Variants in MARK2 observed in about 807,000 individuals in gnomAD.
MARK2 encodes microtubule affinity regulating kinase 2.
In MARK2, 16 loss-of-function variants were observed where a neutral mutation model predicts 89.8. That is an observed-to-expected ratio of 0.18 (90% CI 0.12 to 0.27). The LOEUF (loss-of-function observed/expected upper bound fraction) is 0.27. Among genes scored for constraint, MARK2 ranks in the 10% least tolerant of loss-of-function variants. The pLI, the probability that MARK2 is intolerant of heterozygous loss-of-function variation, is 1.00. For synonymous variants in MARK2, 382 were observed against 399.5 expected, an observed-to-expected ratio of 0.96 and a Z score of 0.52; for missense variants, 621 against 1,049.9, an observed-to-expected ratio of 0.59 and a Z score of 5.65.
At chr11:63,905,644 C>T (rs1422903525) in intron 16 of MARK2, among the ~76,000 whole-genome samples, 2 of 152,236 alleles carry the variant, frequency 1.3e-5, no homozygotes. Context: ...GGGTGGGGAT[C>T]TCTTCACGGG....
intron 1 of MARK2, chr11:63,888,695 T>A: frequency 8.4e-7 from 1 of 1,185,906 alleles, no homozygotes; most frequent in Non-Finnish European, 1.1e-6. Context: ...CCAAACCCAG[T>A]CTCTCTGCTA....
intron 1 of MARK2, among the ~76,000 whole-genome samples, chr11:63,840,888 A>G (rs373730408): frequency 1.3e-5 from 2 of 152,036 alleles, no homozygotes; most frequent in African/African-American, 4.8e-5. Context: ...TTTTCACCCA[A>G]GTCTTAGCCT....
chr11:63,885,037 T>C (rs1565121867), intron 1 of MARK2, among the ~76,000 whole-genome samples: 1 of 152,004 alleles, frequency 6.6e-6, no homozygotes, highest in African/African-American at 2.4e-5. Context: ...ATCCTGTCTG[T>C]ACAAAAAATA....
chr11:63,888,512 G>A (rs1939549120), intron 1 of MARK2: 1 of 1,010,304 alleles, frequency 9.9e-7, no homozygotes, highest in African/African-American at 1.7e-5. Flanking sequence ...AGGGGAGAAG[G>A]AAGTTGATCT....
intron 16 of MARK2, 58 bp downstream of exon 16, chr11:63,905,101 GGGGT>G: frequency 6.5e-7 from 1 of 1,546,652 alleles, no homozygotes; most frequent in Non-Finnish European, 8.8e-7. Context: ...TGCTTTACTC[GGGGT>G]GGGTTGGGGG....
chr11:63,908,494 C>T (rs1337831831), intron 18 of MARK2, among the ~76,000 whole-genome samples, 190 bp downstream of exon 18: 2 of 152,306 alleles, frequency 1.3e-5, no homozygotes, highest in Middle Eastern at 3.4e-3. Flanking sequence ...GGGCCCTTCT[C>T]CTCAGGTCTG....
chr11:63,851,892 A>G (rs1171974758), intron 1 of MARK2, among the ~76,000 whole-genome samples: 1 of 152,140 alleles, frequency 6.6e-6, no homozygotes, highest in Non-Finnish European at 1.5e-5. Context: ...TGTTGCCTCT[A>G]ACCCATCAGG....
At chr11:63,898,707 C>G in intron 5 of MARK2, 34 bp downstream of exon 5, 1 of 1,611,258 alleles carries the variant, frequency 6.2e-7, no homozygotes, top group Non-Finnish European at 8.5e-7. Flanking sequence ...TGTTGTGCCC[C>G]CACTTCTTCC....
chr11:63,852,719 C>G (rs768525498), intron 1 of MARK2, among the ~76,000 whole-genome samples: 11 of 150,644 alleles, frequency 7.3e-5, no homozygotes, highest in Non-Finnish European at 1.3e-4. Flanking sequence ...TGAAAGCTAC[C>G]TTCTCAGTTT....
intron 1 of MARK2, chr11:63,888,958 C>T (rs1368145907): frequency 7.4e-7 from 1 of 1,351,670 alleles, no homozygotes; most frequent in Non-Finnish European, 9.8e-7. Flanking sequence ...TCCCTTTCTC[C>T]AGTCGGGTAT....
chr11:63,894,060 C>T (rs1940148616), intron 1 of MARK2, among the ~76,000 whole-genome samples: 2 of 152,220 alleles, frequency 1.3e-5, no homozygotes, highest in South Asian at 4.1e-4. Context: ...TCTGCTTCCT[C>T]ATCCCCTCAT....
chr11:63,846,293 G>A (rs2016270984), intron 1 of MARK2, among the ~76,000 whole-genome samples: 1 of 151,772 alleles, frequency 6.6e-6, no homozygotes, highest in Admixed American at 6.6e-5. Context: ...ACGGCAGGAG[G>A]ATCACTTGAG....
intron 1 of MARK2, among the ~76,000 whole-genome samples, chr11:63,858,472 G>A (rs1296229521): frequency 1.3e-5 from 2 of 152,082 alleles, no homozygotes; most frequent in Non-Finnish European, 2.9e-5. Context: ...TCCTGCCTCA[G>A]CCTCTTGAGT....
intron 1 of MARK2, among the ~76,000 whole-genome samples, chr11:63,865,111 G>T (rs1938055640): frequency 6.6e-6 from 1 of 152,050 alleles, no homozygotes; most frequent in Non-Finnish European, 1.5e-5. Context: ...GGCTGGCCTG[G>T]AACTCCTGGC....
chr11:63,878,231 C>T (rs532918629), intron 1 of MARK2, among the ~76,000 whole-genome samples: 1 of 152,224 alleles, frequency 6.6e-6, no homozygotes, highest in East Asian at 1.9e-4. Context: ...TGTAAGGCAG[C>T]ACCCATTTAA....
chr11:63,907,462 C>T (rs1365174280), intron 17 of MARK2, among the ~76,000 whole-genome samples: 4 of 152,240 alleles, frequency 2.6e-5, no homozygotes, highest in Non-Finnish European at 5.9e-5. Flanking sequence ...CATATCCTTC[C>T]TCCTCTGCAA....
At chr11:63,887,113 T>C (rs1343088363) in intron 1 of MARK2, among the ~76,000 whole-genome samples, 4 of 152,222 alleles carry the variant, frequency 2.6e-5, no homozygotes, top group East Asian at 1.9e-4. Context: ...TCATTCCCAG[T>C]GTCCCGAGCA....
In MARK2 at chr11:63,904,665, G is replaced by C. The variant is rs1042875365; in HGVS notation, c.1677-121G>C. 4 of 797,106 alleles carry C rather than the reference G, an allele frequency of 5.0e-6. No individual in the cohort carries two copies. Among genetic ancestry groups the C allele is most frequent in the African/African-American group, 3.4e-5 (2 of 59,144 alleles). The allele number at this position is 797,106 out of a possible 1,614,324, so 49.4% of individuals were successfully genotyped here. On this transcript the variant is annotated intron_variant, in intron 15 of 18. Transcript: ENST00000402010. This position sits in a 1 kb window ranked among gnomAD's most constrained non-coding sequence, Gnocchi z 6.3. ...GTCACACCCTTCCTTCTGTGTCCTC[G>C]TGATGGCTGCCTCTGCCCTAGCATC...
chr11:63,853,347 C>T (rs1487739503), intron 1 of MARK2, among the ~76,000 whole-genome samples: 3 of 151,224 alleles, frequency 2.0e-5, no homozygotes, highest in Non-Finnish European at 4.4e-5. Flanking sequence ...TGCAGTGAGC[C>T]GAGATCGTGC....
Sources: allele counts gnomAD v4.1 joint callset (sites outside exome capture counted in the v4.1 genomes callset), GRCh38; gene constraint gnomAD v4.1.1; non-coding constraint Gnocchi (gnomAD v3.1); transcripts MANE v1.5; gene names NCBI Gene and HGNC (gene_info 2026-07-23, HGNC 2026-07-21).